Variants in WDR47 observed in about 807,000 individuals in gnomAD.
WDR47 encodes WD repeat-containing protein 47.
Under a neutral mutation model 97.2 loss-of-function variants are expected in WDR47, and 32 were observed. The ratio of observed to expected loss-of-function variants is 0.33; its 90% CI spans 0.25 to 0.44. WDR47 has a LOEUF of 0.44. WDR47 is among the 20% of genes least tolerant of loss of function. WDR47 has a pLI of 1.00. For synonymous variants in WDR47, 375 were observed against 373.5 expected (o/e 1.00, Z -0.05); for missense variants, 782 against 1,102.3 (o/e 0.71, Z 4.11).
chr1:109,008,357 C>T (rs992980125), intron 5 of WDR47, among the ~76,000 whole-genome samples: 1 of 151,548 alleles, frequency 6.6e-6, no homozygotes, highest in African/African-American at 2.4e-5. Flanking sequence ...TACACCTCTG[C>T]CTCCCAGGCT....
intron 13 of WDR47, among the ~76,000 whole-genome samples, chr1:108,979,216 T>G (rs954887047): frequency 6.6e-6 from 1 of 152,062 alleles, no homozygotes. Flanking sequence ...GGTAAGTGTA[T>G]AGAAACTACA....
chr1:109,011,775 T>C, intron 4 of WDR47, 57 bp from the exon 5 acceptor site: 1 of 1,466,724 alleles, frequency 6.8e-7, no homozygotes, highest in East Asian at 2.3e-5. Context: ...CTATGAAATA[T>C]GAAAACGACA....
rs1034058706 is a variant in WDR47, at chr1:108,992,744, C to G, written c.1692-1415G>C. ...TGAGATGATCCTTACGGAAAAGGAA[C>G]AGATTGTTCCTAAACCAGAAGAGGA... On this transcript the variant is annotated intron_variant, in intron 8 of 14. Transcript: ENST00000369962. 18 of 1,594,940 alleles carry G rather than the reference C, an allele frequency of 1.1e-5. No homozygotes were observed. In the African/African-American group the frequency reaches 2.4e-4, roughly 21 times the overall value.
At chr1:109,002,608 C>T (rs1420785204) in intron 6 of WDR47, among the ~76,000 whole-genome samples, 1 of 152,130 alleles carries the variant, frequency 6.6e-6, no homozygotes, top group Non-Finnish European at 1.5e-5. Context: ...CGGAAACAGA[C>T]TGACCGAAAT....
intron 13 of WDR47, among the ~76,000 whole-genome samples, chr1:108,975,467 A>G (rs1657814582): frequency 6.6e-6 from 1 of 151,880 alleles, no homozygotes; most frequent in Non-Finnish European, 1.5e-5. Context: ...CTAAAAATAC[A>G]AAAGTTAGCC....
At chr1:108,994,693 T>C (rs1265434085) in intron 8 of WDR47, among the ~76,000 whole-genome samples, 1 of 152,210 alleles carries the variant, frequency 6.6e-6, no homozygotes, top group Non-Finnish European at 1.5e-5. Context: ...CTTGAAGTAC[T>C]ATTTGTCTTT....
At chr1:108,976,198 G>T (rs1389222915) in intron 13 of WDR47, among the ~76,000 whole-genome samples, 1 of 152,070 alleles carries the variant, frequency 6.6e-6, no homozygotes, top group African/African-American at 2.4e-5. Context: ...AACAAAAGAG[G>T]CCACTAGAAG....
intron 1 of WDR47, among the ~76,000 whole-genome samples, chr1:109,035,533 T>C (rs539586907): frequency 6.6e-6 from 1 of 151,362 alleles, no homozygotes; most frequent in East Asian, 1.9e-4. Flanking sequence ...AGTCTTACTC[T>C]GTCGCCCAGG....
At chr1:108,995,997 C>G (rs1052799668) in intron 7 of WDR47, among the ~76,000 whole-genome samples, 160 bp from the exon 8 acceptor site, 1 of 152,118 alleles carries the variant, frequency 6.6e-6, no homozygotes, top group Non-Finnish European at 1.5e-5. Flanking sequence ...TAAGACATAA[C>G]CAAGATACTG....
chr1:108,980,595 G>C (rs534985478), intron 13 of WDR47, among the ~76,000 whole-genome samples: 3 of 152,096 alleles, frequency 2.0e-5, no homozygotes, highest in Non-Finnish European at 4.4e-5. Flanking sequence ...CGGGTATGGT[G>C]GTGGGCGCCT....
intron 9 of WDR47, among the ~76,000 whole-genome samples, chr1:108,990,322 C>T (rs1180497616): frequency 1.3e-5 from 2 of 152,078 alleles, no homozygotes; most frequent in African/African-American, 4.8e-5. Context: ...AATTCTCGTG[C>T]CTCAGCCTCC....
chr1:108,989,542 G>A (rs1466366615), intron 9 of WDR47, among the ~76,000 whole-genome samples: 4 of 152,154 alleles, frequency 2.6e-5, no homozygotes, highest in Non-Finnish European at 5.9e-5. Context: ...GAATGTGACT[G>A]TTTGCAAAAT....
rs965064185 is a variant in WDR47, at chr1:108,982,471, G to A, written c.2266+138C>T. On this transcript the variant is annotated intron_variant, in intron 12 of 14. Coordinates refer to ENST00000369962, the MANE Select transcript of WDR47 (RefSeq NM_001142551.2). ...CACTTGACCTCAGGAGGTTGAGGCC[G>A]CAGTGAGCTGTGATTGTGCCACTGC... The A allele has an allele frequency of 2.3e-5, 23 of 998,680 alleles. 1 individual carries two copies. The highest frequency in any genetic ancestry group is 1.3e-4 in the East Asian group (5 of 37,042). The allele number at this position is 998,680 out of a possible 1,614,324, so 61.9% of individuals were successfully genotyped here. A position where few individuals can be genotyped will look rare whatever the true frequency, so the allele number is the denominator to read the frequency against.
At chr1:108,985,965 CAT>C (rs1243265613) in intron 10 of WDR47, among the ~76,000 whole-genome samples, 4 of 129,502 alleles carry the variant, frequency 3.1e-5, no homozygotes, top group Non-Finnish European at 4.8e-5. Flanking sequence ...TGGTTTCAGA[CAT>C]AGAGATAGCA....
At chr1:109,000,320 C>T (rs185589143) in intron 7 of WDR47, among the ~76,000 whole-genome samples, 21 of 150,660 alleles carry the variant, frequency 1.4e-4, no homozygotes, top group Admixed American at 1.4e-3. Context: ...ACCAGCCTGA[C>T]CAACATGGTG....
At chr1:109,033,187 G>A (rs1382584514) in intron 1 of WDR47, among the ~76,000 whole-genome samples, 2 of 151,838 alleles carry the variant, frequency 1.3e-5, no homozygotes, top group African/African-American at 2.4e-5. Flanking sequence ...CCAGGTACTC[G>A]GGAGGCTGAG....
intron 11 of WDR47, 100 bp downstream of exon 11, chr1:108,983,182 T>C: frequency 8.5e-7 from 1 of 1,178,974 alleles, no homozygotes; most frequent in Non-Finnish European, 1.1e-6. Context: ...TTTAAGATTA[T>C]ATTCTTGGAT....
rs533150059 is a variant in WDR47, at chr1:108,990,268, G to A, written c.1767+986C>T. Among the ~76,000 whole-genome samples the A allele has an allele frequency of 2.6e-5, 4 of 152,112 alleles. 1 individual carries two copies. The highest frequency in any genetic ancestry group is 2.6e-4 in the Admixed American group (4 of 15,264). On this transcript the variant is annotated intron_variant, in intron 9 of 14. Transcript: ENST00000369962. ...CTGTCCCCCAGGCTGGAGTACAATG[G>A]CGCGATCTTGGCTCACTGCAACCTC... is the stretch of plus-strand genomic sequence containing the variant.
At position 109,028,459 on chromosome 1, in the gene WDR47, G is replaced by A. The variant is rs183257246; in HGVS notation, c.-9-4938C>T. 1.4e-3 allele frequency among the ~76,000 whole-genome samples: 184 copies of A among 128,538 alleles called. 2 individuals are homozygous for A. Among genetic ancestry groups the A allele is most frequent in the Non-Finnish European group, 1.6e-3 (105 of 63,900 alleles). The allele number at this position is 128,538 out of a possible 152,430, so 84.3% of individuals were successfully genotyped here. A position where few individuals can be genotyped will look rare whatever the true frequency, so the allele number is the denominator to read the frequency against. On this transcript the variant is annotated intron_variant, in intron 1 of 14. Coordinates refer to ENST00000369962, the MANE Select transcript of WDR47 (RefSeq NM_001142551.2). The stretch of plus-strand genomic sequence containing the variant: ...ACTCCTGAGCTCAAGCAATCCACCC[G>A]CCTCGACCTCCAAAGTGCTGGGATT...
Sources: allele counts gnomAD v4.1 joint callset (sites outside exome capture counted in the v4.1 genomes callset), GRCh38; gene constraint gnomAD v4.1.1; transcripts MANE v1.5; gene names NCBI Gene and HGNC (gene_info 2026-07-23, HGNC 2026-07-21).